Variants in HECW1 observed in about 807,000 individuals in gnomAD.
The protein encoded by HECW1 is E3 ubiquitin-protein ligase HECW1.
A neutral mutation model predicts 182.3 loss-of-function variants in HECW1; 61 were observed. The ratio of observed to expected loss-of-function variants is 0.33; its 90% confidence interval spans 0.27 to 0.41. The LOEUF (loss-of-function observed/expected upper bound fraction) is 0.41, where lower values mean the gene tolerates loss of function less well. Ranked by LOEUF, HECW1 falls within the 10% of genes least tolerant of loss-of-function variation. The pLI is 1.00. For synonymous variants in HECW1, 859 were observed against 832.6 expected (o/e 1.03, Z -0.55); for missense variants, 1,739 against 2,108.9 (o/e 0.82, Z 3.44).
chr7:43,133,193 A>G (rs2152623013), intron 2 of HECW1, among the ~76,000 whole-genome samples: 1 of 151,942 alleles, frequency 6.6e-6, no homozygotes, highest in East Asian at 1.9e-4. Context: ...TTCTGTGATG[A>G]CTCAATGTGT....
chr7:43,525,420 C>T (rs1230046443), intron 24 of HECW1, among the ~76,000 whole-genome samples: 2 of 152,058 alleles, frequency 1.3e-5, no homozygotes, highest in Admixed American at 6.5e-5. Flanking sequence ...AGTATAAAGA[C>T]GTCTTTCTGT....
At chr7:43,427,949 A>G (rs760938144) in intron 8 of HECW1, among the ~76,000 whole-genome samples, 2 of 152,166 alleles carry the variant, frequency 1.3e-5, no homozygotes, top group Non-Finnish European at 2.9e-5. Context: ...GGCTCACCCA[A>G]ATAATCTCCC....
At chr7:43,519,761 C>G (rs2080364250) in intron 24 of HECW1, among the ~76,000 whole-genome samples, 1 of 152,028 alleles carries the variant, frequency 6.6e-6, no homozygotes, top group African/African-American at 2.4e-5. Flanking sequence ...AAGATTTCCT[C>G]AAGATATTGT....
chr7:43,405,227 G>T lies in HECW1; in HGVS notation c.632-2335G>T, dbSNP rs145122103. On this transcript the variant is annotated intron_variant, in intron 7 of 29. Transcript: ENST00000395891. ...ATAGTAGGTGGTGGTGGAGGCAATG[G>T]TAGTCACTATTTTATGATGAATGTT... Among the ~76,000 whole-genome samples the T allele has an allele frequency of 4.9e-3, 739 of 152,074 alleles. 4 individuals are homozygous for T. The highest frequency in any genetic ancestry group is 0.017 in the African/African-American group (710 of 41,514).
rs1371007403 is a variant in HECW1 at position 43,552,274 on chromosome 7, T to C, written c.4448T>C (p.Val1483Ala). 2 of 1,614,092 alleles carry C rather than the reference T, an allele frequency of 1.2e-6. No homozygotes were observed. Among genetic ancestry groups the C allele is most frequent in the East Asian group, 2.2e-5 (1 of 44,880 alleles). The change falls in exon 28 of 30, where the codon GTG (valine) becomes GCG (alanine). Residue 1483 changes from valine to alanine, a missense_variant. By Grantham distance (64) the Val-to-Ala change is moderately conservative (BLOSUM62 0). This residue lies in a region of HECW1 where 420 missense variants were observed against 595.7 expected (regional missense o/e 0.71). Transcript: ENST00000395891. ...SVFDARELEL[V>A]IAGTAEIDLN... ...TTTGATGCCAGGGAGCTGGAGCTGG[T>C]GATAGCTGGCACCGCGGAAATCGAC...
chr7:43,308,593 A>G (rs1230094365), intron 3 of HECW1, among the ~76,000 whole-genome samples: 2 of 151,270 alleles, frequency 1.3e-5, no homozygotes, highest in Non-Finnish European at 2.9e-5. Context: ...TCTTCTATGT[A>G]CCATCTACTA....
intron 24 of HECW1, among the ~76,000 whole-genome samples, chr7:43,526,779 T>C (rs1037734821): frequency 1.3e-5 from 2 of 152,190 alleles, no homozygotes; most frequent in African/African-American, 4.8e-5. Context: ...GGCAGGAAGA[T>C]TGCTTGAGTC....
intron 9 of HECW1, among the ~76,000 whole-genome samples, chr7:43,441,238 G>A (rs904493763): frequency 2.6e-5 from 4 of 152,272 alleles, no homozygotes; most frequent in Middle Eastern, 3.4e-3. Flanking sequence ...TTGCTTTGAG[G>A]GGGTGGAGGG....
intron 2 of HECW1, among the ~76,000 whole-genome samples, chr7:43,166,307 T>C (rs1457793606): frequency 6.6e-6 from 1 of 152,178 alleles, no homozygotes; most frequent in Non-Finnish European, 1.5e-5. Flanking sequence ...GGTCACGAAC[T>C]CCTGACCTCA....
chr7:43,555,999 A>C (rs2082005403), intron 29 of HECW1, among the ~76,000 whole-genome samples: 1 of 152,246 alleles, frequency 6.6e-6, no homozygotes, highest in African/African-American at 2.4e-5. Context: ...GATAGCATGC[A>C]GCTTGAGGAG....
intron 12 of HECW1, 33 bp downstream of exon 12, chr7:43,450,962 C>A: frequency 1.4e-6 from 2 of 1,393,200 alleles, no homozygotes; most frequent in African/African-American, 1.4e-5. Context: ...TGTGTCTTAA[C>A]TCTTCCTATC....
rs773660516 is a variant in HECW1, at chr7:43,311,940, G to A, written c.205G>A (p.Asp69Asn). The change falls in exon 4 of 30, where the codon GAC becomes AAC. Residue 69 changes from aspartate (D) to asparagine (N), a missense_variant. Asp to Asn is a conservative substitution (Grantham distance 23, BLOSUM62 1). This residue lies in a region of HECW1 where 279 missense variants were observed against 353.1 expected (regional missense o/e 0.79). Transcript: ENST00000395891. ...CGTCACCATTCCCCGCTCCACCAGC[G>A]ACACTGACCTGGTCACCTCGGACAG... Reference protein sequence around the residue: ...DGVTIPRSTSDTDLVTSDSRS... With the variant: ...DGVTIPRSTSNTDLVTSDSRS... 6.2e-7 allele frequency: 1 copy of A among 1,614,142 alleles called. No homozygotes were observed.
chr7:43,220,872 T>C (rs143130603), intron 2 of HECW1, among the ~76,000 whole-genome samples: 11 of 152,252 alleles, frequency 7.2e-5, no homozygotes, highest in African/African-American at 2.6e-4. Context: ...CCCCTTGGCT[T>C]TAAAAATGGG....
intron 5 of HECW1, among the ~76,000 whole-genome samples, chr7:43,349,140 T>G (rs1814071546): frequency 6.6e-6 from 1 of 152,196 alleles, no homozygotes. Context: ...GTTCAAGTGA[T>G]TCTCCTGCCT....
chr7:43,119,975 C>CTCAT (rs879445221), intron 2 of HECW1, among the ~76,000 whole-genome samples: 24 of 152,318 alleles, frequency 1.6e-4, no homozygotes, highest in African/African-American at 3.8e-4. Context: ...TGGAAGTCTT[C>CTCAT]TCATTCATTC....
intron 26 of HECW1, among the ~76,000 whole-genome samples, chr7:43,545,376 A>G (rs1382910671): frequency 6.6e-6 from 1 of 152,250 alleles, no homozygotes; most frequent in Non-Finnish European, 1.5e-5. Flanking sequence ...ACAATCCTCT[A>G]GTGTAAAGTG....
intron 28 of HECW1, among the ~76,000 whole-genome samples, chr7:43,552,903 C>T (rs9648531): frequency 0.32 from 47,949 of 152,038 alleles, 7,712 homozygotes; most frequent in East Asian, 0.41. Context: ...CTTCAGGTGA[C>T]ATCGTCCTCA....
intron 9 of HECW1, among the ~76,000 whole-genome samples, chr7:43,440,923 T>A (rs920249983): frequency 6.6e-6 from 1 of 152,246 alleles, no homozygotes; most frequent in African/African-American, 2.4e-5. Flanking sequence ...ATAATGCCAG[T>A]GTTTTCTAGA....
chr7:43,391,401 G>A (rs1284728493), intron 6 of HECW1, among the ~76,000 whole-genome samples: 3 of 152,248 alleles, frequency 2.0e-5, no homozygotes, highest in South Asian at 2.1e-4. Flanking sequence ...AGTTTGGTCC[G>A]GGAACAAAGT....
Sources: gnomAD v4.1 joint callset for allele counts (sites outside exome capture counted in the v4.1 genomes callset) on GRCh38, gnomAD v4.1.1 for gene constraint, gnomAD v4.1.1 regional missense constraint, MANE v1.5 for transcripts, NCBI Gene and HGNC (gene_info 2026-07-23, HGNC 2026-07-21) for gene names.